POTEG: variants seen among roughly 807,000 people sequenced by gnomAD.
POTEG encodes ANKRD26-like family C member 2.
A neutral mutation model predicts 49.6 loss-of-function variants in POTEG; 2 were observed. The ratio of observed to expected loss-of-function variants is 0.04; its 90% CI spans 0.02 to 0.13. POTEG has a LOEUF of 0.13. POTEG is among the 10% of genes least tolerant of loss of function. The pLI is 1.00. For synonymous variants in POTEG, 7 were observed against 186.6 expected (o/e 0.04, Z 7.84); for missense variants, 26 against 545.2 (o/e 0.05, Z 9.48).
chr14:19,415,306 T>C (rs866464612), intron 7 of POTEG, among the ~76,000 whole-genome samples: 4,331 of 139,132 alleles, frequency 0.031, 162 homozygotes, highest in Non-Finnish European at 0.045. Context: ...ATTGTGTTTG[T>C]GCACTAACAC....
At chr14:19,430,850 A>G (rs1884107320) in intron 1 of POTEG, among the ~76,000 whole-genome samples, 1 of 146,782 alleles carries the variant, frequency 6.8e-6, no homozygotes, top group South Asian at 2.1e-4. Context: ...TACTTTTTAC[A>G]TGTTAATCTA....
intron 1 of POTEG, among the ~76,000 whole-genome samples, chr14:19,432,360 A>C (rs1194283805): frequency 1.4e-5 from 1 of 69,640 alleles, no homozygotes. Flanking sequence ...AAAAAAAAGA[A>C]ATTTTGTATA....
chr14:19,418,950 T>G (rs1284883527), intron 6 of POTEG, among the ~76,000 whole-genome samples: 2 of 98,966 alleles, frequency 2.0e-5, no homozygotes, highest in Non-Finnish European at 3.8e-5. Context: ...ACAATTAATG[T>G]TATTTCTTAC....
intron 7 of POTEG, among the ~76,000 whole-genome samples, chr14:19,415,829 ATTTTTTTTTTTTTTT>A (rs58833974): frequency 9.3e-5 from 9 of 96,748 alleles, no homozygotes; most frequent in South Asian, 3.2e-4. Flanking sequence ...ATCTATTAAA[ATTTTTTTTTTTTTTT>A]TTTTTTTTTT....
chr14:19,424,443 G>GC, intron 4 of POTEG, 141 bp from the exon 5 acceptor site: 1 of 410,426 alleles, frequency 2.4e-6, no homozygotes, highest in Non-Finnish European at 3.4e-6. Context: ...CAGTGCTCAA[G>GC]TGTTCATATT....
At chr14:19,415,374 G>A (rs1225215342) in intron 7 of POTEG, among the ~76,000 whole-genome samples, 4 of 144,542 alleles carry the variant, frequency 2.8e-5, no homozygotes, top group East Asian at 2.0e-4. Context: ...TTGCTTTTTT[G>A]ACCTGGTTCC....
At chr14:19,433,361 A>C (rs1884240007) in intron 1 of POTEG, among the ~76,000 whole-genome samples, 1 of 108,468 alleles carries the variant, frequency 9.2e-6, no homozygotes, top group African/African-American at 3.7e-5. Flanking sequence ...TTGATATAAA[A>C]TCCATACTGG....
chr14:19,415,887 C>G (rs1336093410), intron 7 of POTEG, among the ~76,000 whole-genome samples: 1 of 124,336 alleles, frequency 8.0e-6, no homozygotes, highest in East Asian at 2.6e-4. Flanking sequence ...GCTCTGTCAC[C>G]CAGGCTGGAG....
Position 19,415,691 on chromosome 14 carries a change from T to G in POTEG, c.1197+597A>C, listed in dbSNP as rs375888847. On this transcript the variant is annotated intron_variant, in intron 7 of 10. Transcript: ENST00000547848. ...AGCTAATCAAGAAGGCAGATAAGAATATTTTAAAATAAGAGTATTTTAAAT... is the reference window on the plus strand; with the variant it reads ...AGCTAATCAAGAAGGCAGATAAGAAGATTTTAAAATAAGAGTATTTTAAAT... Among the ~76,000 whole-genome samples, 15 of 151,924 alleles carry G rather than the reference T, an allele frequency of 9.9e-5. No individual in the cohort carries two copies. In the East Asian group the frequency reaches 2.7e-3, roughly 28 times the overall value.
At chr14:19,426,548 T>A (rs1883953294) in intron 3 of POTEG, among the ~76,000 whole-genome samples, 1 of 152,198 alleles carries the variant, frequency 6.6e-6, no homozygotes, top group South Asian at 2.1e-4. Flanking sequence ...GAGAGGGCCA[T>A]CCTCTACTTA....
At chr14:19,420,017 A>G (rs201137737) in intron 6 of POTEG, among the ~76,000 whole-genome samples, 5,284 of 134,892 alleles carry the variant, frequency 0.039, 227 homozygotes, top group African/African-American at 0.15. Flanking sequence ...CACTTTTGGT[A>G]TTAGCAAAAG....
At chr14:19,418,963 G>GA (rs1179635437) in intron 6 of POTEG, among the ~76,000 whole-genome samples, 2 of 60,134 alleles carry the variant, frequency 3.3e-5, no homozygotes, top group Non-Finnish European at 5.9e-5. Context: ...TTTCTTACGG[G>GA]AAAAAAATTA....
At chr14:19,432,366 GTATA>G (rs58599371) in intron 1 of POTEG, among the ~76,000 whole-genome samples, 5,395 of 37,040 alleles carry the variant, frequency 0.15, 56 homozygotes, top group Middle Eastern at 0.24. Flanking sequence ...AAGAAATTTT[GTATA>G]TATATATATA....
chr14:19,419,970 C>A (rs1360662246), intron 6 of POTEG, among the ~76,000 whole-genome samples: 15 of 143,640 alleles, frequency 1.0e-4, no homozygotes, highest in African/African-American at 3.6e-4. Flanking sequence ...CTTGCCTTAG[C>A]TGAGTATTCA....
At chr14:19,415,332 G>C (rs1410139608) in intron 7 of POTEG, among the ~76,000 whole-genome samples, 1 of 143,610 alleles carries the variant, frequency 7.0e-6, no homozygotes, top group Admixed American at 6.9e-5. Flanking sequence ...GTCCCATTCT[G>C]CAAGATATGA....
chr14:19,413,206 GA>G, intron 9 of POTEG, 147 bp downstream of exon 9: 1 of 304,950 alleles, frequency 3.3e-6, no homozygotes, highest in Non-Finnish European at 5.1e-6. Flanking sequence ...TTAATGACTG[GA>G]AAAAATGGTA....
chr14:19,414,238 A>G (rs1368505609), intron 8 of POTEG, among the ~76,000 whole-genome samples: 11 of 139,220 alleles, frequency 7.9e-5, no homozygotes, highest in African/African-American at 2.8e-4. Flanking sequence ...AGAATAAAAA[A>G]TTATCTACTT....
intron 1 of POTEG, among the ~76,000 whole-genome samples, chr14:19,432,613 T>A (rs1284299941): frequency 3.3e-4 from 24 of 73,468 alleles, no homozygotes; most frequent in African/African-American, 1.3e-3. Flanking sequence ...TCTCCAAAAA[T>A]GAATTATGAA....
chr14:19,414,287 A>G (rs1391612697), intron 8 of POTEG, among the ~76,000 whole-genome samples: 2 of 144,430 alleles, frequency 1.4e-5, no homozygotes, highest in Non-Finnish European at 3.1e-5. Context: ...TAAAACCAAG[A>G]AAGATAAAAT....
Sources: gnomAD v4.1 joint callset for allele counts (sites outside exome capture counted in the v4.1 genomes callset) on GRCh38, gnomAD v4.1.1 for gene constraint, MANE v1.5 for transcripts, NCBI Gene and HGNC (gene_info 2026-07-23, HGNC 2026-07-21) for gene names.